Variants in CPNE8 observed in about 807,000 individuals in gnomAD.
CPNE8 encodes copine 8.
In CPNE8, 45 loss-of-function variants were observed where a neutral mutation model predicts 81.5. That is an observed-to-expected ratio of 0.55 (90% CI 0.44 to 0.71). The LOEUF is 0.71. Among genes scored for constraint, CPNE8 ranks in the 30% least tolerant of loss-of-function variants. CPNE8 has a pLI of 0.00. For synonymous variants in CPNE8, 252 were observed against 226.3 expected, an observed-to-expected ratio of 1.11 and a Z score of -1.02; for missense variants, 594 against 672.1, an observed-to-expected ratio of 0.88 and a Z score of 1.28.
chr12:38,882,815 C>G (rs1944180998), intron 1 of CPNE8, among the ~76,000 whole-genome samples: 1 of 152,198 alleles, frequency 6.6e-6, no homozygotes. Flanking sequence ...CTTCCAGACA[C>G]TTCAGATTCT....
chr12:38,868,465 A>T (rs1207862301), intron 3 of CPNE8, among the ~76,000 whole-genome samples: 4 of 152,144 alleles, frequency 2.6e-5, no homozygotes, highest in African/African-American at 9.7e-5. Flanking sequence ...ACTTGGTAGA[A>T]TTAATAAAAT....
At chr12:38,694,056 G>A (rs776050348) in intron 14 of CPNE8, among the ~76,000 whole-genome samples, 4 of 151,986 alleles carry the variant, frequency 2.6e-5, no homozygotes, top group Admixed American at 2.0e-4. Flanking sequence ...CAAAGCATAC[G>A]CAGAAGTTTT....
At chr12:38,756,136 A>G (rs1362560648) in intron 10 of CPNE8, among the ~76,000 whole-genome samples, 2 of 151,946 alleles carry the variant, frequency 1.3e-5, no homozygotes, top group Admixed American at 1.3e-4. Flanking sequence ...GCTCAACAGC[A>G]TTACCACATT....
intron 7 of CPNE8, among the ~76,000 whole-genome samples, chr12:38,773,483 C>T (rs538080712): frequency 2.2e-4 from 33 of 151,938 alleles, no homozygotes; most frequent in South Asian, 2.1e-3. Flanking sequence ...CCAATTATAC[C>T]TAATAAACTG....
intron 5 of CPNE8, among the ~76,000 whole-genome samples, chr12:38,836,602 A>C (rs1592129501): frequency 6.6e-6 from 1 of 152,170 alleles, no homozygotes; most frequent in African/African-American, 2.4e-5. Context: ...CCCTTTTATA[A>C]AAAAATAAGT....
intron 6 of CPNE8, among the ~76,000 whole-genome samples, chr12:38,821,659 T>A (rs903015253): frequency 2.0e-5 from 3 of 152,192 alleles, no homozygotes; most frequent in African/African-American, 7.2e-5. Context: ...ACTGGTCATA[T>A]CCTTTACAAT....
intron 6 of CPNE8, among the ~76,000 whole-genome samples, chr12:38,807,397 A>G (rs1039040543): frequency 6.6e-6 from 1 of 151,542 alleles, no homozygotes; most frequent in African/African-American, 2.4e-5. Flanking sequence ...CTAGTACCAA[A>G]ACAGAGATAT....
chr12:38,775,702 G>C (rs1384544601), intron 7 of CPNE8, among the ~76,000 whole-genome samples: 1 of 152,126 alleles, frequency 6.6e-6, no homozygotes, highest in South Asian at 2.1e-4. Context: ...TAAAAATACA[G>C]AGTATGCACT....
chr12:38,807,922 C>T (rs1942849780), intron 6 of CPNE8, among the ~76,000 whole-genome samples: 1 of 151,418 alleles, frequency 6.6e-6, no homozygotes, highest in African/African-American at 2.4e-5. Context: ...AACAAACAAC[C>T]CCATCAAAAA....
intron 7 of CPNE8, among the ~76,000 whole-genome samples, chr12:38,771,500 A>G (rs1941802531): frequency 6.6e-6 from 1 of 152,118 alleles, no homozygotes; most frequent in African/African-American, 2.4e-5. Flanking sequence ...TACACTCCCA[A>G]CATAATTTCT....
chr12:38,843,351 G>A (rs567962427), intron 4 of CPNE8, among the ~76,000 whole-genome samples: 2 of 152,220 alleles, frequency 1.3e-5, no homozygotes, highest in Admixed American at 6.5e-5. Context: ...ATCACATTAG[G>A]GTCACATACT....
intron 6 of CPNE8, among the ~76,000 whole-genome samples, chr12:38,794,634 TAAAAAAAAACTACTATAAA>T (rs1942410714): frequency 6.8e-6 from 1 of 146,704 alleles, no homozygotes; most frequent in African/African-American, 2.6e-5. Context: ...AACTACTATT[TAAAAAAAAACTACTATAAA>T]AAAAAAAAAC....
intron 15 of CPNE8, among the ~76,000 whole-genome samples, chr12:38,686,687 T>C (rs1227850438): frequency 1.3e-5 from 2 of 152,204 alleles, no homozygotes; most frequent in Non-Finnish European, 2.9e-5. Context: ...CGACCTGGGC[T>C]GCAGTCATCT....
chr12:38,704,443 A>T (rs1940034944), intron 13 of CPNE8, among the ~76,000 whole-genome samples: 1 of 152,120 alleles, frequency 6.6e-6, no homozygotes, highest in Non-Finnish European at 1.5e-5. Flanking sequence ...TTGATAAAAT[A>T]TGTTACAAAA....
intron 10 of CPNE8, among the ~76,000 whole-genome samples, chr12:38,754,963 A>G (rs1255489004): frequency 6.6e-6 from 1 of 152,206 alleles, no homozygotes; most frequent in African/African-American, 2.4e-5. Flanking sequence ...CAAAATAAAT[A>G]CGAAAAATAT....
At chr12:38,693,377 T>C (rs1939722021) in intron 15 of CPNE8, among the ~76,000 whole-genome samples, 1 of 152,134 alleles carries the variant, frequency 6.6e-6, no homozygotes, top group South Asian at 2.1e-4. Context: ...TATTGTTTGA[T>C]ATCTCTAAGT....
At chr12:38,744,986 A>G (rs1006846654) in intron 10 of CPNE8, among the ~76,000 whole-genome samples, 3 of 152,158 alleles carry the variant, frequency 2.0e-5, no homozygotes, top group African/African-American at 7.2e-5. Flanking sequence ...TTCATTCTAC[A>G]GATATTTTCC....
intron 1 of CPNE8, among the ~76,000 whole-genome samples, chr12:38,904,774 C>T (rs1944542152): frequency 6.6e-6 from 1 of 152,086 alleles, no homozygotes. Flanking sequence ...CCACTGCGCC[C>T]GGCCGAGAGT....
intron 12 of CPNE8, 36 bp downstream of exon 12, chr12:38,724,810 T>C (rs768676198): frequency 7.6e-7 from 1 of 1,319,160 alleles, no homozygotes; most frequent in East Asian, 2.5e-5. Flanking sequence ...ATTCATTTAT[T>C]TTAATCTTTA....
Sources: allele counts gnomAD v4.1 joint callset (sites outside exome capture counted in the v4.1 genomes callset), GRCh38; gene constraint gnomAD v4.1.1; transcripts MANE v1.5; gene names NCBI Gene and HGNC (gene_info 2026-07-23, HGNC 2026-07-21).